RAD23B: variants seen among roughly 807,000 people sequenced by gnomAD.
RAD23B encodes RAD23 nucleotide excision repair protein B, also known as lysine-specific demethylase RAD23B.
A neutral mutation model predicts 49.1 loss-of-function variants in RAD23B; 5 were observed. The observed-to-expected ratio is 0.10, with a 90% confidence interval of 0.05 to 0.21. The LOEUF (loss-of-function observed/expected upper bound fraction) is 0.21. Among genes scored for constraint, RAD23B ranks in the 10% least tolerant of loss-of-function variants. The pLI, the probability that RAD23B is intolerant of heterozygous loss-of-function variation, is 1.00. For synonymous variants in RAD23B, 184 were observed against 165.4 expected, an observed-to-expected ratio of 1.11 and a Z score of -0.86; for missense variants, 356 against 486.7, an observed-to-expected ratio of 0.73 and a Z score of 2.53.
chr9:107,326,482 A>G (rs75524669), intron 9 of RAD23B, among the ~76,000 whole-genome samples: 4 of 130,476 alleles, frequency 3.1e-5, no homozygotes, highest in Non-Finnish European at 6.1e-5. Context: ...CTCTGTCTCA[A>G]AAAAAAAAAA....
At chr9:107,286,230 G>GA (rs1286340763) in intron 1 of RAD23B, among the ~76,000 whole-genome samples, 5 of 152,282 alleles carry the variant, frequency 3.3e-5, no homozygotes, top group African/African-American at 1.2e-4. Context: ...GAGATAAGTG[G>GA]AATCATGGGA....
intron 7 of RAD23B, among the ~76,000 whole-genome samples, chr9:107,322,629 G>C (rs1827132418): frequency 6.7e-6 from 1 of 149,674 alleles, no homozygotes; most frequent in South Asian, 2.1e-4. Context: ...CTATAGGTCT[G>C]ACTACAGAGC....
intron 9 of RAD23B, among the ~76,000 whole-genome samples, chr9:107,327,657 G>A (rs531974507): frequency 2.0e-5 from 3 of 152,142 alleles, no homozygotes; most frequent in African/African-American, 7.2e-5. Flanking sequence ...ATTGAGGTTC[G>A]TTTTGTGGCC....
At chr9:107,293,903 C>T (rs1381818155) in intron 1 of RAD23B, among the ~76,000 whole-genome samples, 1 of 152,180 alleles carries the variant, frequency 6.6e-6, no homozygotes, top group Non-Finnish European at 1.5e-5. Flanking sequence ...TTCACGTCAG[C>T]CTCCTGAGGT....
chr9:107,303,650 T>C (rs1279672016), intron 3 of RAD23B, among the ~76,000 whole-genome samples: 1 of 152,218 alleles, frequency 6.6e-6, no homozygotes, highest in Non-Finnish European at 1.5e-5. Context: ...TTTTTGTGAC[T>C]GGCTTATTTC....
At chr9:107,284,019 G>C (rs1833218985) in intron 1 of RAD23B, 2 of 1,067,976 alleles carry the variant, frequency 1.9e-6, no homozygotes, top group South Asian at 4.3e-5. Flanking sequence ...GGCCGTCTCA[G>C]CCGTAGAGCC....
At chr9:107,319,377 G>A (rs11573693) in intron 6 of RAD23B, among the ~76,000 whole-genome samples, 8,977 of 151,982 alleles carry the variant, frequency 0.059, 379 homozygotes, top group South Asian at 0.12. Context: ...TGATCCGCCC[G>A]CCTCAGCCTC....
chr9:107,306,737 C>G, intron 4 of RAD23B, 90 bp downstream of exon 4: 1 of 1,374,722 alleles, frequency 7.3e-7, no homozygotes, highest in Admixed American at 2.3e-5. Context: ...TTGATCAAAC[C>G]GACTATATCT....
chr9:107,300,259 T>G (rs1190156745), intron 2 of RAD23B, 37 bp downstream of exon 2: 3 of 1,573,736 alleles, frequency 1.9e-6, no homozygotes, highest in East Asian at 2.3e-5. Flanking sequence ...TGCCATGTCT[T>G]GATATTCTTT....
At position 107,318,693 on chromosome 9, in the gene RAD23B, T is replaced by G; in HGVS notation, c.554-59T>G. On this transcript the variant is annotated intron_variant, in intron 5 of 9. Coordinates refer to ENST00000358015, the MANE Select transcript of RAD23B (RefSeq NM_002874.5). This position sits in a 1 kb window ranked among gnomAD's most constrained non-coding sequence, Gnocchi z 4.3. Reference sequence around the variant, plus strand: ...TGTTGTATACATGAATCAATAAATGTATAGAGAATGCTTATTTATTAAATG... The same window carrying G: ...TGTTGTATACATGAATCAATAAATGGATAGAGAATGCTTATTTATTAAATG... The G allele has an allele frequency of 6.6e-7, 1 of 1,525,462 alleles. No homozygotes were observed. The highest frequency in any genetic ancestry group is 2.3e-5 in the East Asian group (1 of 43,716). 94.5% of individuals were successfully genotyped at this position (1,525,462 alleles called of 1,614,324 possible).
chr9:107,295,240 TGTG>T (rs751120110), intron 1 of RAD23B, among the ~76,000 whole-genome samples: 2 of 151,150 alleles, frequency 1.3e-5, no homozygotes, highest in Non-Finnish European at 2.9e-5. Flanking sequence ...AGAATTAGAT[TGTG>T]GGGGGAGAGA....
chr9:107,287,475 A>G (rs1176546491), intron 1 of RAD23B, among the ~76,000 whole-genome samples: 25 of 152,254 alleles, frequency 1.6e-4, no homozygotes. Flanking sequence ...AGAGAATTGC[A>G]AAGACATCAG....
chr9:107,293,016 T>G (rs995477142), intron 1 of RAD23B, among the ~76,000 whole-genome samples: 4 of 152,104 alleles, frequency 2.6e-5, no homozygotes, highest in African/African-American at 9.7e-5. Flanking sequence ...TCTCAGGAAG[T>G]TGGATTTAAG....
At chr9:107,309,544 G>A (rs1019567778) in intron 4 of RAD23B, among the ~76,000 whole-genome samples, 5 of 152,176 alleles carry the variant, frequency 3.3e-5, no homozygotes, top group African/African-American at 1.2e-4. Flanking sequence ...GTTGGAGAGG[G>A]GAGAAGTAGT....
In RAD23B at chr9:107,283,547, C is replaced by T; in HGVS notation, c.-83C>T. On this transcript the variant is annotated 5_prime_UTR_variant, in exon 1 of 10. Transcript: ENST00000358015. ...CCCAGAGCGCGAGGAGCGCGGGCGA[C>T]CCCGGGGCCCCGCCAGGCCACAGAC... 1 of 1,101,858 alleles carries T rather than the reference C, an allele frequency of 9.1e-7. No individual in the cohort carries two copies. Among genetic ancestry groups the T allele is most frequent in the Non-Finnish European group, 1.2e-6 (1 of 827,660 alleles). The allele number at this position is 1,101,858 out of a possible 1,614,324, so 68.3% of individuals were successfully genotyped here. A position where few individuals can be genotyped will look rare whatever the true frequency, so the allele number is the denominator to read the frequency against.
At position 107,283,493 on chromosome 9, in the gene RAD23B, G is replaced by A; in HGVS notation, c.-137G>A. 1.7e-6 allele frequency: 1 copy of A among 574,224 alleles called. No individual in the cohort carries two copies. Among genetic ancestry groups the A allele is most frequent in the Non-Finnish European group, 2.8e-6 (1 of 358,920 alleles). The allele number at this position is 574,224 out of a possible 1,614,324, so 35.6% of individuals were successfully genotyped here. A position where few individuals can be genotyped will look rare whatever the true frequency, so the allele number is the denominator to read the frequency against. On this transcript the variant is annotated 5_prime_UTR_variant, in exon 1 of 10. It removes the in-frame stop codon of an upstream open reading frame in the 5' UTR. Transcript: ENST00000358015. ...AGAGGCCGCTCCGCTGGGCGAATGT[G>A]ACAAGCCCCCACCCCCACCGCCTTC...
chr9:107,306,797 G>A (rs1826787883), intron 4 of RAD23B, 150 bp downstream of exon 4: 4 of 866,696 alleles, frequency 4.6e-6, no homozygotes, highest in Non-Finnish European at 7.0e-6. Context: ...TGCTGCGTCT[G>A]TTTTGATAGC....
intron 5 of RAD23B, among the ~76,000 whole-genome samples, chr9:107,317,095 CGTGTGTGTGT>C (rs10603112): frequency 1.5e-4 from 22 of 150,020 alleles, no homozygotes; most frequent in Non-Finnish European, 2.8e-4. Context: ...CACACGCGTG[CGTGTGTGTGT>C]GTGTGTGTGT....
At chr9:107,289,239 C>T (rs1237357407) in intron 1 of RAD23B, among the ~76,000 whole-genome samples, 3 of 151,746 alleles carry the variant, frequency 2.0e-5, no homozygotes, top group African/African-American at 7.3e-5. Context: ...GGATAGAGTA[C>T]AGTGGCATGA....
Sources: allele counts gnomAD v4.1 joint callset (sites outside exome capture counted in the v4.1 genomes callset), GRCh38; gene constraint gnomAD v4.1.1; non-coding constraint Gnocchi (gnomAD v3.1); transcripts MANE v1.5; gene names NCBI Gene and HGNC (gene_info 2026-07-23, HGNC 2026-07-21).